CDH8: variants seen among roughly 807,000 people sequenced by gnomAD.
CDH8 encodes the protein cadherin-8.
CDH8 carries 17 observed loss-of-function variants against 68.1 expected under a neutral mutation model. The observed-to-expected ratio is 0.25, with a 90% CI of 0.17 to 0.37. The LOEUF (loss-of-function observed/expected upper bound fraction) is 0.37, where lower values mean the gene tolerates loss of function less well. Ranked by LOEUF, CDH8 falls within the 10% of genes least tolerant of loss-of-function variation. The pLI is 1.00. For missense variants in CDH8, 763 were observed against 999.3 expected, an observed-to-expected ratio of 0.76 and a Z score of 3.19; for synonymous variants, 372 against 365.1, an observed-to-expected ratio of 1.02 and a Z score of -0.21.
chr16:61,697,814 C>T (rs1376927340), intron 10 of CDH8, among the ~76,000 whole-genome samples: 1 of 152,078 alleles, frequency 6.6e-6, no homozygotes, highest in African/African-American at 2.4e-5. Context: ...TTTTTTGTTT[C>T]CACTCTGTAG....
At chr16:61,682,787 G>A (rs1313247095) in intron 10 of CDH8, among the ~76,000 whole-genome samples, 5 of 151,966 alleles carry the variant, frequency 3.3e-5, no homozygotes, top group Admixed American at 2.0e-4. Context: ...TTGCCCCTCC[G>A]TGTGCAGGCT....
intron 2 of CDH8, among the ~76,000 whole-genome samples, chr16:62,002,935 C>A (rs1051558841): frequency 7.9e-5 from 12 of 152,132 alleles, no homozygotes; most frequent in African/African-American, 2.9e-4. Context: ...CACCTGTAGT[C>A]CCAACTACTC....
chr16:61,746,389 A>C (rs1410004773), intron 8 of CDH8, among the ~76,000 whole-genome samples: 4 of 151,968 alleles, frequency 2.6e-5, no homozygotes, highest in African/African-American at 9.7e-5. Context: ...TGCTGAATTG[A>C]GGAGTCACCT....
intron 8 of CDH8, among the ~76,000 whole-genome samples, chr16:61,762,067 C>G (rs779923579): frequency 6.6e-6 from 1 of 152,148 alleles, no homozygotes; most frequent in African/African-American, 2.4e-5. Context: ...TTGCCATGAA[C>G]TAAAGACGGG....
chr16:61,905,975 G>C (rs1964053997), intron 2 of CDH8, among the ~76,000 whole-genome samples: 1 of 151,952 alleles, frequency 6.6e-6, no homozygotes, highest in African/African-American at 2.4e-5. Context: ...GAATATTGTG[G>C]GTAAAAATGC....
intron 10 of CDH8, among the ~76,000 whole-genome samples, chr16:61,699,636 A>G (rs923462784): frequency 6.6e-6 from 1 of 152,136 alleles, no homozygotes; most frequent in Non-Finnish European, 1.5e-5. Context: ...GTACAATGGC[A>G]TGATCTTGGC....
At chr16:61,908,683 G>A (rs180855408) in intron 2 of CDH8, among the ~76,000 whole-genome samples, 50 of 152,276 alleles carry the variant, frequency 3.3e-4, no homozygotes, top group African/African-American at 1.1e-3. Flanking sequence ...TGGAGTGGGA[G>A]GAGGGAGGCT....
At chr16:61,877,407 A>T (rs1334044660) in intron 3 of CDH8, among the ~76,000 whole-genome samples, 3 of 152,164 alleles carry the variant, frequency 2.0e-5, no homozygotes, top group Non-Finnish European at 4.4e-5. Flanking sequence ...TCTCATCTCC[A>T]TTTTTGCCAA....
At chr16:61,661,227 A>C (rs1379258011) in intron 10 of CDH8, among the ~76,000 whole-genome samples, 1 of 152,048 alleles carries the variant, frequency 6.6e-6, no homozygotes, top group Non-Finnish European at 1.5e-5. Flanking sequence ...GGTAGAAGGT[A>C]GAAGACTTGA....
At chr16:62,031,848 G>A (rs911277945) in intron 1 of CDH8, 2 of 152,092 alleles carry the variant, frequency 1.3e-5, no homozygotes, top group African/African-American at 4.8e-5. Flanking sequence ...TTTAGTTAGC[G>A]GCAACATATG....
At chr16:61,852,042 C>T (rs1028583400) in intron 4 of CDH8, among the ~76,000 whole-genome samples, 1 of 152,036 alleles carries the variant, frequency 6.6e-6, no homozygotes, top group Non-Finnish European at 1.5e-5. Context: ...GACACTAATA[C>T]CTACCTCAAA....
At chr16:61,875,043 G>GC (rs2143079813) in intron 3 of CDH8, among the ~76,000 whole-genome samples, 1 of 152,288 alleles carries the variant, frequency 6.6e-6, no homozygotes, top group East Asian at 1.9e-4. Flanking sequence ...AAAAGCTCTA[G>GC]CAAGTTAGGA....
chr16:61,850,005 T>C (rs1160819554), intron 4 of CDH8, among the ~76,000 whole-genome samples: 1 of 152,126 alleles, frequency 6.6e-6, no homozygotes, highest in Non-Finnish European at 1.5e-5. Context: ...CTCTTAAAAA[T>C]TGCGTACTTA....
At position 61,730,790 on chromosome 16, in the gene CDH8, CTA is replaced by C. The variant is rs1398287583; in HGVS notation, c.1415-3577_1415-3576del. ...CTATTTCCAGGTGGTTAGAATTTCT[CTA>C]GTTATCCCTCAAAATTTAGCATAAG... On this transcript the variant is annotated intron_variant, in intron 8 of 11. Transcript: ENST00000577390. 2.0e-5 allele frequency among the ~76,000 whole-genome samples: 3 copies of C among 151,452 alleles called. No individual in the cohort carries two copies. The East Asian group carries it at 5.8e-4, about 29-fold the overall frequency.
chr16:61,953,247 A>G (rs978277850), intron 2 of CDH8, among the ~76,000 whole-genome samples: 5 of 152,160 alleles, frequency 3.3e-5, no homozygotes, highest in African/African-American at 1.2e-4. Context: ...GCTCAAGGGT[A>G]GAGGAATAAA....
chr16:61,808,768 TA>T (rs1961866649), intron 7 of CDH8, among the ~76,000 whole-genome samples: 1 of 152,164 alleles, frequency 6.6e-6, no homozygotes, highest in African/African-American at 2.4e-5. Context: ...CAGTCTTGTG[TA>T]GGGGGTGACA....
intron 10 of CDH8, among the ~76,000 whole-genome samples, chr16:61,676,430 C>T (rs1251706391): frequency 6.6e-6 from 1 of 151,814 alleles, no homozygotes; most frequent in East Asian, 1.9e-4. Context: ...ATTAACATTA[C>T]TTAGTGGTGC....
At position 62,009,518 on chromosome 16, in the gene CDH8, CA is replaced by C. The variant is rs146980706; in HGVS notation, c.252+11633del. On this transcript the variant is annotated intron_variant, in intron 2 of 11. Transcript: ENST00000577390. ...AATTAGTTCAAGCAACTGAAGGGTA[CA>C]AGCGTTTTGTCTTCTTTTAATTCCT... Among the ~76,000 whole-genome samples the C allele has an allele frequency of 9.7e-3, 1,484 of 152,266 alleles. 27 individuals carry two copies. Among genetic ancestry groups the C allele is most frequent in the African/African-American group, 0.033 (1,381 of 41,552 alleles).
chr16:61,968,559 G>A (rs66704776), intron 2 of CDH8, among the ~76,000 whole-genome samples: 31,184 of 152,086 alleles, frequency 0.21, 5,641 homozygotes, highest in African/African-American at 0.49. Flanking sequence ...AAGCAGAATC[G>A]ATGAAAGAAA....
Sources: allele counts gnomAD v4.1 joint callset (sites outside exome capture counted in the v4.1 genomes callset), GRCh38; gene constraint gnomAD v4.1.1; transcripts MANE v1.5; gene names NCBI Gene and HGNC (gene_info 2026-07-23, HGNC 2026-07-21).